BFSP1: variants seen among roughly 807,000 people sequenced by gnomAD.
The protein encoded by BFSP1 is filensin.
In BFSP1, 38 loss-of-function variants were observed where a neutral mutation model predicts 43.9. The observed-to-expected ratio is 0.87, with a 90% confidence interval of 0.67 to 1.14. The LOEUF is 1.14. Ranked by LOEUF, BFSP1 falls within the 50% of genes most tolerant of loss-of-function variation. The probability of loss-of-function intolerance (pLI) is 0.00; values close to 1 mark genes in which losing one functional copy is unlikely to be tolerated. For missense variants in BFSP1, 850 were observed against 875.1 expected (o/e 0.97, Z 0.36); for synonymous variants, 352 against 354.8 (o/e 0.99, Z 0.09).
At position 17,531,169 on chromosome 20, in the gene BFSP1, TG is replaced by T; in HGVS notation, c.160del (p.His54ThrfsTer84). 1 of 1,292,720 alleles carries T rather than the reference TG, an allele frequency of 7.7e-7. No individual in the cohort carries two copies. The highest frequency in any genetic ancestry group is 9.8e-7 in the Non-Finnish European group (1 of 1,023,030). 80.1% of individuals were successfully genotyped at this position (1,292,720 alleles called of 1,614,324 possible). On this transcript the variant is annotated frameshift_variant, in exon 1 of 8. Transcript: ENST00000377873. LOFTEE classifies it high-confidence loss of function. ...LQGLGERVAA[H>X]VQRARALEQR... ...CTCGAGGGCGCGGGCCCGCTGGACG[TG>T]GGCGGCCACGCGCTCGCCGAGCCCC...
intron 5 of BFSP1, among the ~76,000 whole-genome samples, chr20:17,504,837 G>A (rs1311755535): frequency 6.6e-6 from 1 of 152,012 alleles, no homozygotes; most frequent in African/African-American, 2.4e-5. Flanking sequence ...GGAGCCTGAC[G>A]CGAGCCCCAT....
Position 17,494,273 on chromosome 20 carries a change from AC to A in BFSP1, c.1798del (p.Val600CysfsTer45). 5 of 1,614,136 alleles carry A rather than the reference AC, an allele frequency of 3.1e-6. No homozygotes were observed. The highest frequency in any genetic ancestry group is 4.2e-6 in the Non-Finnish European group (5 of 1,180,016). On this transcript the variant is annotated frameshift_variant, in exon 8 of 8. Transcript: ENST00000377873. LOFTEE classifies it low-confidence loss of function (END_TRUNC). Reference protein sequence around the residue: ...KPAADQDGAEVLGTRSRSLPE... With the variant: ...KPAADQDGAEXLGTRSRSLPE... ...CAGGCTTCTGCTCCTAGTCCCAAGC[AC>A]CTCAGCTCCATCCTGATCAGCCGCA...
intron 6 of BFSP1, among the ~76,000 whole-genome samples, chr20:17,497,587 T>C (rs1266274908): frequency 8.9e-6 from 1 of 112,348 alleles, no homozygotes; most frequent in East Asian, 2.3e-4. Context: ...TATACGTATA[T>C]ATATACGTGT....
chr20:17,563,353 C>A (rs2035084611), upstream of BFSP1, among the ~76,000 whole-genome samples: 1 of 135,048 alleles, frequency 7.4e-6, no homozygotes, highest in Admixed American at 7.7e-5. Context: ...TGGAACCCAC[C>A]CTCCCTCCCT....
chr20:17,567,249 G>C (rs557297010), intron 1 of BFSP1, among the ~76,000 whole-genome samples: 1 of 152,242 alleles, frequency 6.6e-6, no homozygotes, highest in African/African-American at 2.4e-5. Context: ...ATATAAGTTT[G>C]ATAAATTGTA....
At chr20:17,514,227 C>G (rs1600651019) in intron 3 of BFSP1, among the ~76,000 whole-genome samples, 2 of 152,196 alleles carry the variant, frequency 1.3e-5, no homozygotes, top group African/African-American at 4.8e-5. Context: ...CATAGTCAAA[C>G]AGCTGCAGAA....
intron 6 of BFSP1, 141 bp from the exon 7 acceptor site, chr20:17,497,164 C>A: frequency 1.7e-6 from 1 of 578,094 alleles, no homozygotes; most frequent in South Asian, 2.7e-5. Flanking sequence ...AACAGACAGC[C>A]ATACACACAT....
At chr20:17,561,983 C>T (rs941259773), upstream of BFSP1, among the ~76,000 whole-genome samples, 11 of 152,032 alleles carry the variant, frequency 7.2e-5, no homozygotes, top group Non-Finnish European at 1.5e-4. Context: ...TATGACGGCG[C>T]GATCTCGGCT....
chr20:17,534,168 A>C (rs1340486904), upstream of BFSP1, among the ~76,000 whole-genome samples: 1 of 152,234 alleles, frequency 6.6e-6, no homozygotes. Context: ...TGAATTTGTT[A>C]ATTCAAGAGA....
intron 5 of BFSP1, among the ~76,000 whole-genome samples, chr20:17,504,160 C>T (rs2033873703): frequency 1.3e-5 from 2 of 152,142 alleles, no homozygotes; most frequent in South Asian, 4.1e-4. Flanking sequence ...CTGGGCGCCC[C>T]CACAGCCCCC....
intron 1 of BFSP1, among the ~76,000 whole-genome samples, chr20:17,556,857 TC>T (rs1043063902): frequency 2.1e-4 from 32 of 151,722 alleles, no homozygotes; most frequent in African/African-American, 7.2e-4. Flanking sequence ...AACATTTTTT[TC>T]CCCTGATAAA....
chr20:17,529,370 C>T (rs2123531435), intron 1 of BFSP1, among the ~76,000 whole-genome samples: 1 of 152,302 alleles, frequency 6.6e-6, no homozygotes, highest in South Asian at 2.1e-4. Flanking sequence ...GCCACTGCAC[C>T]CAGCCCATAG....
chr20:17,567,736 C>CTGTAATCCCAGCTACTCGGGAGGTTG, intron 1 of BFSP1, among the ~76,000 whole-genome samples: 1 of 152,098 alleles, frequency 6.6e-6, no homozygotes, highest in South Asian at 2.1e-4. Context: ...TGGCGCATGC[C>CTGTAATCCCAGCTACTCGGGAGGTTG]TGTAATCCCA....
upstream of BFSP1, among the ~76,000 whole-genome samples, chr20:17,531,699 C>T (rs2034545570): frequency 6.6e-6 from 1 of 152,204 alleles, no homozygotes; most frequent in Non-Finnish European, 1.5e-5. Flanking sequence ...CCCAAGCGAA[C>T]TCTTTAAACT....
chr20:17,566,492 G>A (rs1052929137), intron 1 of BFSP1, among the ~76,000 whole-genome samples: 2 of 152,200 alleles, frequency 1.3e-5, no homozygotes, highest in African/African-American at 4.8e-5. Context: ...CATAAACTGG[G>A]TGGCTTACAA....
intron 1 of BFSP1, among the ~76,000 whole-genome samples, chr20:17,547,255 T>C (rs1482358734): frequency 1.3e-5 from 2 of 152,048 alleles, no homozygotes; most frequent in African/African-American, 2.4e-5. Context: ...CCCATTCCTA[T>C]TGTACCTCAA....
At chr20:17,552,901 A>C (rs2034917879) in intron 1 of BFSP1, among the ~76,000 whole-genome samples, 1 of 152,242 alleles carries the variant, frequency 6.6e-6, no homozygotes, top group African/African-American at 2.4e-5. Flanking sequence ...TGCATCTACA[A>C]GTCAGAAATC....
chr20:17,548,773 T>A (rs915361426), intron 1 of BFSP1, among the ~76,000 whole-genome samples: 3 of 152,120 alleles, frequency 2.0e-5, no homozygotes, highest in Non-Finnish European at 4.4e-5. Flanking sequence ...ATTCTTATAC[T>A]TATTGTTTTT....
rs148320057 is a variant in BFSP1 at position 17,527,270 on chromosome 20, A to C, written c.378-2362T>G. On this transcript the variant is annotated intron_variant, in intron 1 of 7. Transcript: ENST00000377873. ...GAAATTAGTTTTTAAATGTATAATT[A>C]GCTTTGAGAATAAAACTTAATAAAA... Among the ~76,000 whole-genome samples, 412 of 152,362 alleles carry C rather than the reference A, an allele frequency of 2.7e-3. 3 individuals carry two copies. Among genetic ancestry groups the C allele is most frequent in the African/African-American group, 9.5e-3 (395 of 41,592 alleles).
Sources: gnomAD v4.1 joint callset for allele counts (sites outside exome capture counted in the v4.1 genomes callset) on GRCh38, gnomAD v4.1.1 for gene constraint, MANE v1.5 for transcripts, NCBI Gene and HGNC (gene_info 2026-07-23, HGNC 2026-07-21) for gene names.